Variants in PCDHGA2 observed in about 807,000 individuals in gnomAD.
PCDHGA2 encodes the protein protocadherin gamma-A2.
PCDHGA2 carries 40 observed loss-of-function variants against 59.2 expected under a neutral mutation model. That is an observed-to-expected ratio of 0.68 (90% CI 0.52 to 0.88). The LOEUF (loss-of-function observed/expected upper bound fraction) is 0.88, where lower values mean the gene tolerates loss of function less well. Ranked by LOEUF, PCDHGA2 falls within the 40% of genes least tolerant of loss-of-function variation. PCDHGA2 has a pLI of 0.00. For missense variants in PCDHGA2, 1,226 were observed against 1,204.0 expected, an observed-to-expected ratio of 1.02 and a Z score of -0.27; for synonymous variants, 560 against 526.0, an observed-to-expected ratio of 1.06 and a Z score of -0.89.
chr5:141,476,509 C>G lies in PCDHGA2; in HGVS notation c.2425-18298C>G. 6.2e-7 allele frequency: 1 copy of G among 1,614,144 alleles called. No individual in the cohort carries two copies. Among genetic ancestry groups the G allele is most frequent in the Non-Finnish European group, 8.5e-7 (1 of 1,180,022 alleles). ...TGGTGATCCAGGACATCAACGACAACAATCCTGCTTTCCCTACCCAGGAAA... is the reference window on the plus strand; with the variant it reads ...TGGTGATCCAGGACATCAACGACAAGAATCCTGCTTTCCCTACCCAGGAAA... On this transcript the variant is annotated intron_variant, in intron 1 of 3. Transcript: ENST00000394576. This position sits in a 1 kb window ranked among gnomAD's most constrained non-coding sequence, Gnocchi z 7.6.
intron 1 of PCDHGA2, chr5:141,385,340 C>A: frequency 6.4e-7 from 1 of 1,570,860 alleles, no homozygotes; most frequent in Non-Finnish European, 8.6e-7. Flanking sequence ...CCAGCCCTTC[C>A]TTTATTTCCA....
chr5:141,478,549 A>G lies in PCDHGA2; in HGVS notation c.2425-16258A>G, dbSNP rs369095515. 8 of 1,602,904 alleles carry G rather than the reference A, an allele frequency of 5.0e-6. No individual in the cohort carries two copies. In the African/African-American group the frequency reaches 1.1e-4, roughly 21 times the overall value. On this transcript the variant is annotated intron_variant, in intron 1 of 3. Coordinates refer to ENST00000394576, the MANE Select transcript of PCDHGA2 (RefSeq NM_018915.4). ...CAGAGAGCGCCCCTCCCGGACAGGT[A>G]AGGTTTAGCAAGTCATGCTTGACCC...
At chr5:141,498,919 C>A (rs897611505) in intron 2 of PCDHGA2, among the ~76,000 whole-genome samples, 1 of 122,240 alleles carries the variant, frequency 8.2e-6, no homozygotes. Context: ...GGTGACAGAG[C>A]GAGACTCCAT....
chr5:141,399,735 T>A (rs909521642), intron 1 of PCDHGA2: 1 of 1,613,198 alleles, frequency 6.2e-7, no homozygotes, highest in African/African-American at 1.3e-5. Flanking sequence ...AGGGCTCGCC[T>A]GCGCTCAGCG....
intron 1 of PCDHGA2, among the ~76,000 whole-genome samples, chr5:141,426,008 T>G (rs2096909040): frequency 6.6e-6 from 1 of 152,224 alleles, no homozygotes; most frequent in South Asian, 2.1e-4. Context: ...GGCTTCCGGC[T>G]GCAGTTTTCT....
chr5:141,366,456 T>A, intron 1 of PCDHGA2: 1 of 1,614,224 alleles, frequency 6.2e-7, no homozygotes, highest in Non-Finnish European at 8.5e-7. Context: ...GCCTTCGTCA[T>A]CGTGCTGCTG....
intron 1 of PCDHGA2, chr5:141,421,420 G>A: frequency 6.2e-7 from 1 of 1,614,084 alleles, no homozygotes; most frequent in Admixed American, 1.7e-5. Context: ...GAAGCGCGGA[G>A]TCCGCATCGT....
intron 1 of PCDHGA2, chr5:141,391,690 A>AC (rs1231042361): frequency 6.6e-6 from 1 of 152,236 alleles, no homozygotes; most frequent in African/African-American, 2.4e-5. Flanking sequence ...TTCATCTGCT[A>AC]CGTTGCCCAG....
At chr5:141,433,853 A>G (rs934981508) in intron 1 of PCDHGA2, among the ~76,000 whole-genome samples, 1 of 152,026 alleles carries the variant, frequency 6.6e-6, no homozygotes, top group Non-Finnish European at 1.5e-5. Flanking sequence ...AAAAAAAAAA[A>G]AACTTTATCC....
intron 1 of PCDHGA2, chr5:141,382,984 G>A: frequency 6.2e-7 from 1 of 1,613,132 alleles, no homozygotes; most frequent in Non-Finnish European, 8.5e-7. Context: ...AGCCTGGGCA[G>A]GACGTATTCT....
At chr5:141,376,494 C>G (rs1343101587) in intron 1 of PCDHGA2, 12 of 1,614,004 alleles carry the variant, frequency 7.4e-6, no homozygotes, top group Non-Finnish European at 1.0e-5. Context: ...AAAGGAGAAC[C>G]CAGGCAACTT....
At chr5:141,460,965 G>A (rs1398642676) in intron 1 of PCDHGA2, among the ~76,000 whole-genome samples, 21 of 114,476 alleles carry the variant, frequency 1.8e-4, no homozygotes, top group African/African-American at 8.5e-4. Flanking sequence ...ATATATATGT[G>A]TGTGTGTGTG....
Position 141,432,124 on chromosome 5 carries a change from C to G in PCDHGA2, c.2425-62683C>G, listed in dbSNP as rs1286909667. On this transcript the variant is annotated intron_variant, in intron 1 of 3. Transcript: ENST00000394576. The surrounding 1 kb of genome is among the most constrained non-coding windows in gnomAD (Gnocchi z 6.0). ...ACAACCCGCCGGTCTTCCCTCAGGC[C>G]TCCTATTCCGCTTATATCCCAGAGA... 6.2e-7 allele frequency: 1 copy of G among 1,614,156 alleles called. No homozygotes were observed. The highest frequency in any genetic ancestry group is 1.1e-5 in the South Asian group (1 of 91,066).
chr5:141,356,659 AT>A, intron 1 of PCDHGA2: 1 of 1,614,050 alleles, frequency 6.2e-7, no homozygotes, highest in Non-Finnish European at 8.5e-7. Context: ...CAATGCCCGA[AT>A]CACTTACTCC....
In PCDHGA2 at chr5:141,352,624, T is replaced by A. The variant is rs763883175; in HGVS notation, c.2424+11229T>A. 3.1e-6 allele frequency: 5 copies of A among 1,612,368 alleles called. No homozygotes were observed. In the Admixed American group the frequency reaches 5.0e-5, roughly 16 times the overall value. The stretch of plus-strand genomic sequence containing the variant: ...ATCCTTCTATGGTTGTATGTGCCAG[T>A]AATGAAGATCACAAAATCGCTTATG... On this transcript the variant is annotated intron_variant, in intron 1 of 3. Transcript: ENST00000394576.
intron 1 of PCDHGA2, chr5:141,365,114 C>T (rs1763745605): frequency 6.2e-7 from 1 of 1,613,902 alleles, no homozygotes; most frequent in African/African-American, 1.3e-5. Flanking sequence ...CACTCGGCTG[C>T]TCATGCTAAC....
At chr5:141,510,627 G>C (rs2099881988) in intron 3 of PCDHGA2, among the ~76,000 whole-genome samples, 2 of 152,090 alleles carry the variant, frequency 1.3e-5, no homozygotes, top group South Asian at 2.1e-4. Context: ...AACCAGAAGA[G>C]GTGGTTACCA....
chr5:141,479,453 A>G (rs994349416), intron 1 of PCDHGA2: 1 of 152,266 alleles, frequency 6.6e-6, no homozygotes, highest in Non-Finnish European at 1.5e-5. Context: ...TAAGTTCAGC[A>G]TGAATACAGT....
At chr5:141,366,922 C>T in intron 1 of PCDHGA2, 1 of 1,046,460 alleles carries the variant, frequency 9.6e-7, no homozygotes, top group Non-Finnish European at 1.3e-6. Context: ...TTTTCAAATT[C>T]TGTTTTGGGA....
Sources: gnomAD v4.1 joint callset for allele counts (sites outside exome capture counted in the v4.1 genomes callset) on GRCh38, gnomAD v4.1.1 for gene constraint, Gnocchi (gnomAD v3.1) non-coding constraint, MANE v1.5 for transcripts, NCBI Gene and HGNC (gene_info 2026-07-23, HGNC 2026-07-21) for gene names.